Variants in TEC observed in about 807,000 individuals in gnomAD.
The protein encoded by TEC is tyrosine-protein kinase Tec.
Under a neutral mutation model 93.0 loss-of-function variants are expected in TEC, and 72 were observed. The observed-to-expected ratio is 0.77, with a 90% CI of 0.64 to 0.94. TEC has a LOEUF of 0.94. TEC is among the 40% of genes least tolerant of loss of function. The probability of loss-of-function intolerance (pLI) is 0.00; values close to 1 mark genes in which losing one functional copy is unlikely to be tolerated. For missense variants in TEC, 630 were observed against 757.9 expected, an observed-to-expected ratio of 0.83 and a Z score of 1.98; for synonymous variants, 249 against 247.7, an observed-to-expected ratio of 1.01 and a Z score of -0.05.
chr4:48,159,141 A>G (rs1251297154), intron 8 of TEC, among the ~76,000 whole-genome samples: 4 of 152,038 alleles, frequency 2.6e-5, no homozygotes, highest in Non-Finnish European at 4.4e-5. Context: ...GAATAACTAT[A>G]CACACAGGTA....
chr4:48,158,758 G>A (rs1037660078), intron 8 of TEC, among the ~76,000 whole-genome samples: 15 of 152,130 alleles, frequency 9.9e-5, no homozygotes, highest in Non-Finnish European at 1.5e-5. Flanking sequence ...AAAAGAAGGA[G>A]GTCCCTTCCT....
chr4:48,267,913 A>G (rs1724680963), intron 1 of TEC, among the ~76,000 whole-genome samples: 1 of 152,254 alleles, frequency 6.6e-6, no homozygotes, highest in African/African-American at 2.4e-5. Flanking sequence ...AGGAACCTGT[A>G]GGCAGAGGTG....
intron 2 of TEC, among the ~76,000 whole-genome samples, chr4:48,203,298 G>A (rs998043802): frequency 6.7e-6 from 1 of 150,032 alleles, no homozygotes; most frequent in Non-Finnish European, 1.5e-5. Context: ...CTGGGAGGTG[G>A]AGGTTGCAGT....
In TEC at chr4:48,167,941, G is replaced by A; in HGVS notation, c.508C>T (p.Pro170Ser). ...APETKKRRPP[P>S]PIPLEEEDNS... ...TCTTCTTCTTCTAGTGGAATTGGTG[G>A]GGGAGGCCTTCGCTAGACAAGGAAG... The change falls in exon 7 of 18, where the codon CCA (proline) becomes TCA (serine). Residue 170 changes from proline to serine, a missense_variant. Physicochemically the swap from Pro to Ser is moderately conservative, Grantham distance 74 (BLOSUM62 -1). This residue lies in a region of TEC where 335 missense variants were observed against 351.5 expected (regional missense o/e 0.95). Coordinates refer to ENST00000381501, the MANE Select transcript of TEC (RefSeq NM_003215.3). 6.2e-7 allele frequency: 1 copy of A among 1,613,658 alleles called. No individual in the cohort carries two copies. The highest frequency in any genetic ancestry group is 8.5e-7 in the Non-Finnish European group (1 of 1,179,802).
chr4:48,164,044 T>C (rs532707418), intron 7 of TEC, among the ~76,000 whole-genome samples: 8 of 152,294 alleles, frequency 5.3e-5, no homozygotes, highest in Admixed American at 3.3e-4. Flanking sequence ...GGATTTTTTT[T>C]CCCAAAGGTC....
intron 8 of TEC, among the ~76,000 whole-genome samples, chr4:48,157,898 C>A (rs917824890): frequency 2.0e-5 from 3 of 152,184 alleles, no homozygotes; most frequent in African/African-American, 7.2e-5. Flanking sequence ...TTGCCTCTCT[C>A]TACTTTCCCC....
chr4:48,137,508 A>T lies in TEC; in HGVS notation c.1813-9T>A. ...GGCCTTCCCTCTGGTTTCTACAATT[A>T]AAAGTCAAAGAGAAGCTGTGGGTTC... On this transcript the variant is annotated splice_polypyrimidine_tract_variant and intron_variant, in intron 17 of 17. Coordinates refer to ENST00000381501, the MANE Select transcript of TEC (RefSeq NM_003215.3). 6.2e-7 allele frequency: 1 copy of T among 1,613,456 alleles called. No individual in the cohort carries two copies. Among genetic ancestry groups the T allele is most frequent in the Non-Finnish European group, 8.5e-7 (1 of 1,179,530 alleles).
intron 1 of TEC, among the ~76,000 whole-genome samples, chr4:48,233,878 T>A (rs1287024775): frequency 2.7e-5 from 4 of 147,966 alleles, no homozygotes; most frequent in African/African-American, 7.4e-5. Context: ...CTCAGAAAGT[T>A]CAGCATCTAA....
Position 48,142,144 on chromosome 4 carries a change from A to G in TEC, c.1471-725T>C, listed in dbSNP as rs78972226. Among the ~76,000 whole-genome samples, 1,093 of 152,260 alleles carry G rather than the reference A, an allele frequency of 7.2e-3. 15 individuals carry two copies. The highest frequency in any genetic ancestry group is 0.025 in the African/African-American group (1,027 of 41,540). On this transcript the variant is annotated intron_variant, in intron 14 of 17. Transcript: ENST00000381501. ...TGATGGGCGACCAATCTCTTATCCA[A>G]TATTTCTGCTCAGTGATTGGTCATC...
At chr4:48,170,466 C>A (rs1721055046) in intron 4 of TEC, 90 bp from the exon 5 acceptor site, 2 of 905,014 alleles carry the variant, frequency 2.2e-6, no homozygotes, top group Non-Finnish European at 3.3e-6. Context: ...TTACTTATTT[C>A]TTGGACACTA....
At chr4:48,217,353 C>T (rs1236783183) in intron 2 of TEC, among the ~76,000 whole-genome samples, 3 of 152,180 alleles carry the variant, frequency 2.0e-5, no homozygotes, top group African/African-American at 4.8e-5. Flanking sequence ...CCGCCCAACT[C>T]GGCCTCCCAA....
rs141892714 is a variant in TEC, at chr4:48,208,604, G to C, written c.138+19873C>G. 1.4e-3 allele frequency among the ~76,000 whole-genome samples: 206 copies of C among 152,016 alleles called. 4 individuals are homozygous for C. The East Asian group carries it at 0.035, about 26-fold the overall frequency. On this transcript the variant is annotated intron_variant, in intron 2 of 17. Coordinates refer to ENST00000381501, the MANE Select transcript of TEC (RefSeq NM_003215.3). The stretch of plus-strand genomic sequence containing the variant: ...CTCCCTGGGGTCCTTTGTACTCTTG[G>C]CTTCTCCGTGGCCTGCCCTGCTCTT...
At chr4:48,220,271 G>C (rs901347924) in intron 2 of TEC, among the ~76,000 whole-genome samples, 28 of 151,708 alleles carry the variant, frequency 1.8e-4, no homozygotes, top group African/African-American at 6.3e-4. Flanking sequence ...TACAAAAATG[G>C]ATATGAACCC....
intron 14 of TEC, among the ~76,000 whole-genome samples, chr4:48,142,738 T>C (rs1194767427): frequency 1.3e-5 from 2 of 152,062 alleles, no homozygotes; most frequent in Non-Finnish European, 2.9e-5. Flanking sequence ...TGGAGTCCAG[T>C]GGTGCGACCT....
intron 1 of TEC, among the ~76,000 whole-genome samples, chr4:48,252,194 G>A (rs1724221981): frequency 6.6e-6 from 1 of 152,186 alleles, no homozygotes. Flanking sequence ...TGACTTCACA[G>A]AGTTGTAAGA....
rs1438076107 is a variant in TEC at position 48,250,587 on chromosome 4, C to T, written c.-46+19165G>A. On this transcript the variant is annotated intron_variant, in intron 1 of 17. Coordinates refer to ENST00000381501, the MANE Select transcript of TEC (RefSeq NM_003215.3). ...TCCTCTCTTGCTTCTTTGCGATCAC[C>T]GTGAGAATCCAACTGTCCAGCCTGA... Among the ~76,000 whole-genome samples the T allele has an allele frequency of 3.9e-5, 6 of 152,178 alleles. 1 individual carries two copies. Among genetic ancestry groups the T allele is most frequent in the Non-Finnish European group, 1.5e-5 (1 of 68,038 alleles).
chr4:48,157,595 A>C (rs564464102), intron 8 of TEC, among the ~76,000 whole-genome samples: 2 of 151,552 alleles, frequency 1.3e-5, no homozygotes, highest in Admixed American at 1.3e-4. Flanking sequence ...AACTCACTGC[A>C]AACTCCACCT....
chr4:48,176,024 C>G (rs1577723269), intron 3 of TEC, 58 bp downstream of exon 3: 1 of 1,342,034 alleles, frequency 7.5e-7, no homozygotes, highest in Non-Finnish European at 1.1e-6. Context: ...ACTGTAATGT[C>G]AAAGAGCAAA....
Position 48,145,230 on chromosome 4 carries a change from A to G in TEC, c.1319T>C (p.Ile440Thr). The G allele has an allele frequency of 6.2e-7, 1 of 1,614,128 alleles. No homozygotes were observed. Among genetic ancestry groups the G allele is most frequent in the Non-Finnish European group, 8.5e-7 (1 of 1,180,018 alleles). The change falls in exon 14 of 18, where the codon ATT (isoleucine) becomes ACT (threonine). Residue 440 changes from isoleucine to threonine, a missense_variant. Physicochemically the swap from Ile to Thr is moderately conservative, Grantham distance 89. Coordinates refer to ENST00000381501, the MANE Select transcript of TEC (RefSeq NM_003215.3). ...GCCCCTTTCCATGAACTCAGTAACA[A>G]TGTATATTGGTTTCTGCTGGGTGCA... ...GVCTQQKPIY[I>T]VTEFMERGCL...
Sources: gnomAD v4.1 joint callset for allele counts (sites outside exome capture counted in the v4.1 genomes callset) on GRCh38, gnomAD v4.1.1 for gene constraint, gnomAD v4.1.1 regional missense constraint, MANE v1.5 for transcripts, NCBI Gene and HGNC (gene_info 2026-07-23, HGNC 2026-07-21) for gene names.